POLR1B: variants seen among roughly 807,000 people sequenced by gnomAD.
POLR1B encodes the protein RNA polymerase I subunit B.
POLR1B carries 30 observed loss-of-function variants against 105.8 expected under a neutral mutation model. The ratio of observed to expected loss-of-function variants is 0.28; its 90% CI spans 0.21 to 0.38. The LOEUF (loss-of-function observed/expected upper bound fraction) is 0.38. POLR1B is among the 10% of genes least tolerant of loss of function. The pLI, the probability that POLR1B is intolerant of heterozygous loss-of-function variation, is 1.00. For synonymous variants in POLR1B, 485 were observed against 505.1 expected (o/e 0.96, Z 0.53); for missense variants, 976 against 1,435.8 (o/e 0.68, Z 5.17).
chr2:112,563,734 CA>C (rs946852992), intron 9 of POLR1B, among the ~76,000 whole-genome samples: 6 of 147,660 alleles, frequency 4.1e-5, no homozygotes, highest in South Asian at 2.2e-4. Flanking sequence ...CCTGTCTCTA[CA>C]AAAAAAAAAT....
Position 112,577,022 on chromosome 2 carries a change from G to A in POLR1B, c.*1293G>A, listed in dbSNP as rs767166369. 1.3e-5 allele frequency: 2 copies of A among 152,092 alleles called. No homozygotes were observed. Among genetic ancestry groups the A allele is most frequent in the East Asian group, 1.9e-4 (1 of 5,198 alleles). The allele number at this position is 152,092 out of a possible 1,614,324, so 9.4% of individuals were successfully genotyped here. On this transcript the variant is annotated 3_prime_UTR_variant, in exon 15 of 15. Transcript: ENST00000263331. ...TTACCATCCCCTGTGTATTTAAGTT[G>A]TTCCATTCTTTGGCCATTATAACTT...
intron 11 of POLR1B, among the ~76,000 whole-genome samples, chr2:112,568,338 G>A (rs907417260): frequency 1.3e-5 from 2 of 152,154 alleles, no homozygotes; most frequent in African/African-American, 4.8e-5. Context: ...CAGAACCTGA[G>A]AGAGGGCTGG....
At position 112,567,977 on chromosome 2, in the gene POLR1B, A is replaced by T; in HGVS notation, c.1757A>T (p.Glu586Val). Residue 586 changes from glutamate (E) to valine (V), a missense_variant, in exon 11 of 15, where the codon GAG becomes GTG. Physicochemically the swap from Glu to Val is moderately radical, Grantham distance 121. Transcript: ENST00000263331. ...TTTTGTTAAAAACAGGTGTTGAGAG[A>T]GAAAAGAATTCCTCCCTGGATGGAA... ...DSLRHFKVLREKRIPPWMEVV... is the reference protein window; with the variant it reads ...DSLRHFKVLRVKRIPPWMEVV... 1 of 1,613,676 alleles carries T rather than the reference A, an allele frequency of 6.2e-7. No homozygotes were observed. The highest frequency in any genetic ancestry group is 8.5e-7 in the Non-Finnish European group (1 of 1,179,776).
At chr2:112,553,828 G>C (rs1031685996) in intron 7 of POLR1B, 1 of 152,152 alleles carries the variant, frequency 6.6e-6, no homozygotes, top group Non-Finnish European at 1.5e-5. Context: ...GGTTTTATAT[G>C]TGTTAATTCA....
intron 10 of POLR1B, among the ~76,000 whole-genome samples, chr2:112,564,769 T>G (rs3816141): frequency 0.41 from 62,611 of 152,062 alleles, 13,510 homozygotes; most frequent in Non-Finnish European, 0.48. Context: ...AATTTTAACT[T>G]TTTTCCCCCT....
chr2:112,559,580 T>C lies in POLR1B; in HGVS notation c.1612+6T>C, dbSNP rs940501373. 4.0e-5 allele frequency: 64 copies of C among 1,611,272 alleles called. No homozygotes were observed. Among genetic ancestry groups the C allele is most frequent in the Non-Finnish European group, 5.0e-5 (59 of 1,177,892 alleles). ...AGCTTTACTGTGCAACTTGGGTATG[T>C]AGTGTACAGTGATAAACATCTTGTT... On this transcript the variant is annotated splice_donor_region_variant and intron_variant, in intron 9 of 14. Coordinates refer to ENST00000263331, the MANE Select transcript of POLR1B (RefSeq NM_019014.6).
In POLR1B at chr2:112,578,387, C is replaced by G. The variant is rs1684957719; in HGVS notation, c.*2658C>G. Among the ~76,000 whole-genome samples the G allele has an allele frequency of 6.6e-6, 1 of 152,166 alleles. No individual in the cohort carries two copies. The highest frequency in any genetic ancestry group is 6.5e-5 in the Admixed American group (1 of 15,268). ...CCACTAATCTGTTCTTCATAATTTT[C>G]TTATTTCAAGAATCTTACGTAAATA... On this transcript the variant is annotated 3_prime_UTR_variant, in exon 15 of 15. Coordinates refer to ENST00000263331, the MANE Select transcript of POLR1B (RefSeq NM_019014.6).
In POLR1B at chr2:112,579,590, TTTC is replaced by T. The variant is rs1685006936; in HGVS notation, c.*3864_*3866del. 1 of 152,246 alleles carries T rather than the reference TTTC, an allele frequency of 6.6e-6. No individual in the cohort carries two copies. Among genetic ancestry groups the T allele is most frequent in the Admixed American group, 6.5e-5 (1 of 15,286 alleles). 9.4% of individuals were successfully genotyped at this position (152,246 alleles called of 1,614,324 possible). A position where few individuals can be genotyped will look rare whatever the true frequency, so the allele number is the denominator to read the frequency against. On this transcript the variant is annotated 3_prime_UTR_variant, in exon 15 of 15. Coordinates refer to ENST00000263331, the MANE Select transcript of POLR1B (RefSeq NM_019014.6). ...CCATTGCACTTGGACCAGCCCACTATTTCTTATTTTAGCCATTCTGATAGATGT... is the reference window on the plus strand; with the variant it reads ...CCATTGCACTTGGACCAGCCCACTATTTATTTTAGCCATTCTGATAGATGT...
intron 10 of POLR1B, among the ~76,000 whole-genome samples, chr2:112,566,128 C>A (rs2104560584): frequency 6.6e-6 from 1 of 152,188 alleles, no homozygotes; most frequent in African/African-American, 2.4e-5. Context: ...TGCTGGGAAT[C>A]ACAGCTCTCC....
intron 9 of POLR1B, among the ~76,000 whole-genome samples, chr2:112,563,626 A>G (rs575299955): frequency 6.6e-6 from 1 of 152,102 alleles, no homozygotes; most frequent in Non-Finnish European, 1.5e-5. Context: ...TGCTGGGCAC[A>G]GTGGCTTAGG....
intron 6 of POLR1B, 91 bp from the exon 7 acceptor site, chr2:112,552,554 T>G (rs1683425072): frequency 7.7e-7 from 1 of 1,292,932 alleles, no homozygotes. Flanking sequence ...TAAAGTTAAG[T>G]AAGCATGAGT....
chr2:112,563,941 A>C (rs1484872219), intron 9 of POLR1B, among the ~76,000 whole-genome samples: 2 of 152,028 alleles, frequency 1.3e-5, no homozygotes, highest in Admixed American at 1.3e-4. Context: ...TCTAAGAAGC[A>C]ATTCCTCATC....
At chr2:112,552,566 G>A (rs1292099749) in intron 6 of POLR1B, 79 bp from the exon 7 acceptor site, 29 of 1,349,784 alleles carry the variant, frequency 2.1e-5, no homozygotes, top group Non-Finnish European at 2.9e-5. Flanking sequence ...AGCATGAGTT[G>A]GGGATCTTGG....
upstream of POLR1B, chr2:112,542,055 C>A: frequency 6.6e-7 from 1 of 1,509,796 alleles, no homozygotes; most frequent in South Asian, 1.2e-5. Context: ...CGGATGACTC[C>A]CCAGGGTCGG....
At chr2:112,564,577 C>A (rs1684182077) in intron 10 of POLR1B, 78 bp downstream of exon 10, 1 of 1,584,774 alleles carries the variant, frequency 6.3e-7, no homozygotes, top group Non-Finnish European at 8.6e-7. Flanking sequence ...GGGGTTAACC[C>A]CTGGGCGGTC....
intron 9 of POLR1B, among the ~76,000 whole-genome samples, chr2:112,559,870 T>C (rs1683879068): frequency 6.6e-6 from 1 of 152,208 alleles, no homozygotes; most frequent in South Asian, 2.1e-4. Flanking sequence ...GACCTCGTGA[T>C]GTGCCTGCCT....
intron 7 of POLR1B, among the ~76,000 whole-genome samples, chr2:112,557,051 G>A (rs1480445983): frequency 6.6e-6 from 1 of 152,078 alleles, no homozygotes; most frequent in African/African-American, 2.4e-5. Flanking sequence ...TGGAAGCTGA[G>A]GCAAGAGGAT....
At chr2:112,546,741 T>G (rs1219151639) in intron 1 of POLR1B, among the ~76,000 whole-genome samples, 1 of 151,682 alleles carries the variant, frequency 6.6e-6, no homozygotes, top group Non-Finnish European at 1.5e-5. Flanking sequence ...TTTTTTGTAT[T>G]TTTAGTAGAG....
In POLR1B at chr2:112,563,745, T is replaced by A. The variant is rs539960759; in HGVS notation, c.1613-621T>A. The stretch of plus-strand genomic sequence containing the variant: ...AGACCCTGTCTCTACAAAAAAAAAA[T>A]TTAAAAATTAGCCAAGCATGATGGC... On this transcript the variant is annotated intron_variant, in intron 9 of 14. Coordinates refer to ENST00000263331, the MANE Select transcript of POLR1B (RefSeq NM_019014.6). Among the ~76,000 whole-genome samples the A allele has an allele frequency of 3.3e-5, 5 of 151,518 alleles. 1 individual carries two copies. The highest frequency in any genetic ancestry group is 3.9e-4 in the East Asian group (2 of 5,118).
Sources: gnomAD v4.1 joint callset for allele counts (sites outside exome capture counted in the v4.1 genomes callset) on GRCh38, gnomAD v4.1.1 for gene constraint, MANE v1.5 for transcripts, NCBI Gene and HGNC (gene_info 2026-07-23, HGNC 2026-07-21) for gene names.